CNTLN: variants seen among roughly 807,000 people sequenced by gnomAD.
The protein encoded by CNTLN is centlein, centrosomal protein.
In CNTLN, 212 loss-of-function variants were observed where a neutral mutation model predicts 180.0. The observed-to-expected ratio is 1.18, with a 90% CI of 1.05 to 1.32. The LOEUF is 1.32. Ranked by LOEUF, CNTLN falls within the 40% of genes most tolerant of loss-of-function variation. The pLI is 0.00. For synonymous variants in CNTLN, 722 were observed against 563.1 expected (o/e 1.28, Z -3.99); for missense variants, 2,095 against 1,610.9 (o/e 1.30, Z -5.14).
intron 6 of CNTLN, among the ~76,000 whole-genome samples, chr9:17,294,533 A>C (rs1008752466): frequency 1.3e-5 from 2 of 150,690 alleles, no homozygotes; most frequent in African/African-American, 2.4e-5. Context: ...CTAGATACAG[A>C]GTGCTGATTG....
chr9:17,435,649 C>T (rs928305961), intron 18 of CNTLN, among the ~76,000 whole-genome samples: 2 of 151,740 alleles, frequency 1.3e-5, no homozygotes, highest in Admixed American at 1.3e-4. Context: ...CAGCCTCTGT[C>T]CACCCCGGAT....
At chr9:17,306,240 C>T (rs1002526916) in intron 7 of CNTLN, among the ~76,000 whole-genome samples, 1 of 150,388 alleles carries the variant, frequency 6.6e-6, no homozygotes, top group Non-Finnish European at 1.5e-5. Flanking sequence ...ACCTCTGCCT[C>T]CTGGGTTCAA....
At position 17,312,845 on chromosome 9, in the gene CNTLN, C is replaced by T. The variant is rs142159056; in HGVS notation, c.1341+3593C>T. On this transcript the variant is annotated intron_variant, in intron 8 of 25. Transcript: ENST00000380647. Reference sequence around the variant, plus strand: ...TATCAATATTAGTTATGTCATTGCACTTGATAGTATTCAGATCTTTTATGT... The same window carrying T: ...TATCAATATTAGTTATGTCATTGCATTTGATAGTATTCAGATCTTTTATGT... 3.0e-3 allele frequency among the ~76,000 whole-genome samples: 455 copies of T among 152,236 alleles called. 4 individuals carry two copies. The highest frequency in any genetic ancestry group is 0.01 in the African/African-American group (431 of 41,548).
At chr9:17,398,086 T>C (rs1238122314) in intron 15 of CNTLN, among the ~76,000 whole-genome samples, 1 of 152,120 alleles carries the variant, frequency 6.6e-6, no homozygotes, top group African/African-American at 2.4e-5. Context: ...CTTCTCAGTA[T>C]TTATTTCCCA....
chr9:17,421,088 T>C (rs1587948789), intron 18 of CNTLN, among the ~76,000 whole-genome samples: 1 of 152,172 alleles, frequency 6.6e-6, no homozygotes, highest in East Asian at 1.9e-4. Context: ...TGGTTTATAA[T>C]GTAGATTAAG....
chr9:17,268,150 TC>T (rs1367944647), intron 5 of CNTLN, among the ~76,000 whole-genome samples: 1 of 152,192 alleles, frequency 6.6e-6, no homozygotes, highest in Non-Finnish European at 1.5e-5. Flanking sequence ...CTCTGTTTTT[TC>T]CCCATCTTTG....
chr9:17,371,849 T>C (rs1335087671), intron 13 of CNTLN, among the ~76,000 whole-genome samples: 1 of 152,116 alleles, frequency 6.6e-6, no homozygotes, highest in Non-Finnish European at 1.5e-5. Context: ...AATTAAACAA[T>C]GTGCTCCTGA....
chr9:17,266,966 C>T (rs1827508765), intron 5 of CNTLN, among the ~76,000 whole-genome samples: 1 of 152,138 alleles, frequency 6.6e-6, no homozygotes, highest in Non-Finnish European at 1.5e-5. Flanking sequence ...GAATACAGCA[C>T]ACTGATGGGT....
At chr9:17,409,561 AT>A in intron 16 of CNTLN, 88 bp downstream of exon 16, 1 of 920,692 alleles carries the variant, frequency 1.1e-6, no homozygotes, top group Non-Finnish European at 1.6e-6. Flanking sequence ...GTTACTACTG[AT>A]TTAATTTGAA....
intron 18 of CNTLN, among the ~76,000 whole-genome samples, chr9:17,449,257 T>G (rs1013080206): frequency 6.6e-6 from 1 of 152,056 alleles, no homozygotes; most frequent in African/African-American, 2.4e-5. Flanking sequence ...CTCCCAGTGC[T>G]ATCCCTCCCT....
chr9:17,266,735 A>G (rs529272375), intron 5 of CNTLN, among the ~76,000 whole-genome samples: 1 of 152,280 alleles, frequency 6.6e-6, no homozygotes, highest in African/African-American at 2.4e-5. Context: ...TATTGGGTGC[A>G]TATATATTTA....
At chr9:17,272,223 C>T (rs1257458497) in intron 5 of CNTLN, among the ~76,000 whole-genome samples, 2 of 151,652 alleles carry the variant, frequency 1.3e-5, no homozygotes, top group Non-Finnish European at 2.9e-5. Flanking sequence ...ACTACAGGTG[C>T]GTGCCACCAT....
At chr9:17,188,638 G>T (rs950633358) in intron 2 of CNTLN, among the ~76,000 whole-genome samples, 2 of 151,886 alleles carry the variant, frequency 1.3e-5, no homozygotes, top group African/African-American at 4.8e-5. Flanking sequence ...TTTATTCAGT[G>T]GTTTCAAGTT....
At chr9:17,449,273 C>T (rs1286280096) in intron 18 of CNTLN, among the ~76,000 whole-genome samples, 1 of 151,872 alleles carries the variant, frequency 6.6e-6, no homozygotes, top group Admixed American at 6.6e-5. Flanking sequence ...TCCCTCCTCC[C>T]CCCACCCCAC....
intron 2 of CNTLN, among the ~76,000 whole-genome samples, chr9:17,201,079 A>T (rs530782429): frequency 6.6e-6 from 1 of 152,180 alleles, no homozygotes; most frequent in Non-Finnish European, 1.5e-5. Flanking sequence ...TTCTGCATCT[A>T]TTGAGATAAT....
intron 25 of CNTLN, among the ~76,000 whole-genome samples, chr9:17,499,174 A>T (rs1833612858): frequency 1.3e-5 from 2 of 152,190 alleles, no homozygotes; most frequent in Admixed American, 6.5e-5. Context: ...GTACAGTGTC[A>T]GTCCTAACTC....
At chr9:17,477,558 A>T (rs991449592) in intron 23 of CNTLN, among the ~76,000 whole-genome samples, 10 of 152,286 alleles carry the variant, frequency 6.6e-5, no homozygotes, top group Middle Eastern at 3.4e-3. Context: ...GTTTGTTCCA[A>T]CTTTCATGGA....
intron 2 of CNTLN, among the ~76,000 whole-genome samples, chr9:17,189,073 GTTTT>G (rs1175101171): frequency 0.01 from 706 of 68,720 alleles, 2 homozygotes; most frequent in African/African-American, 0.046. Context: ...TTGGGACTTA[GTTTT>G]TTTTTTTTTT....
chr9:17,209,895 G>T (rs1191856103), intron 2 of CNTLN, among the ~76,000 whole-genome samples: 1 of 152,092 alleles, frequency 6.6e-6, no homozygotes, highest in East Asian at 1.9e-4. Flanking sequence ...TTTTACAGAA[G>T]ATAATCTAAA....
Sources: gnomAD v4.1 joint callset for allele counts (sites outside exome capture counted in the v4.1 genomes callset) on GRCh38, gnomAD v4.1.1 for gene constraint, MANE v1.5 for transcripts, NCBI Gene and HGNC (gene_info 2026-07-23, HGNC 2026-07-21) for gene names.